The following GPATCH2L variants were observed in gnomAD, a reference collection of about 807,000 sequenced individuals.
GPATCH2L encodes G-patch domain containing 2 like.
GPATCH2L carries 31 observed loss-of-function variants against 57.4 expected under a neutral mutation model. That is an observed-to-expected ratio of 0.54 (90% confidence interval 0.41 to 0.73). The LOEUF is 0.73. GPATCH2L is among the 30% of genes least tolerant of loss of function. The probability of loss-of-function intolerance (pLI) is 0.00; values close to 1 mark genes in which losing one functional copy is unlikely to be tolerated. For synonymous variants in GPATCH2L, 199 were observed against 210.7 expected (o/e 0.94, Z 0.48); for missense variants, 481 against 599.9 (o/e 0.80, Z 2.07).
chr14:76,154,986 A>G lies in GPATCH2L; in HGVS notation c.623A>G (p.Asp208Gly). 6.2e-7 allele frequency: 1 copy of G among 1,613,620 alleles called. No homozygotes were observed. Among genetic ancestry groups the G allele is most frequent in the South Asian group, 1.1e-5 (1 of 91,090 alleles). The change falls in exon 2 of 10, where the codon GAT becomes GGT. Residue 208 changes from aspartate to glycine, a missense_variant. Transcript: ENST00000261530. This position sits in a 1 kb window ranked among gnomAD's most constrained non-coding sequence, Gnocchi z 4.4. ...AAAGAAAGGATGGAGTGTGAAACAG[A>G]TGAACAAAAACAGGGCTCTGATGAG... ...GRKERMECET[D>G]EQKQGSDENM...
chr14:76,226,348 A>T (rs1212600322), intron 1 of GPATCH2L, among the ~76,000 whole-genome samples: 1 of 152,248 alleles, frequency 6.6e-6, no homozygotes, highest in Non-Finnish European at 1.5e-5. Flanking sequence ...GAAGTCAAAG[A>T]TGAGAATACA....
intron 2 of GPATCH2L, among the ~76,000 whole-genome samples, chr14:76,235,494 G>T (rs1426620158): frequency 6.6e-6 from 1 of 152,180 alleles, no homozygotes; most frequent in African/African-American, 2.4e-5. Flanking sequence ...TGCCATGATT[G>T]TGAGGCTTCC....
chr14:76,223,777 C>G (rs1050421730), intron 1 of GPATCH2L, among the ~76,000 whole-genome samples: 1 of 152,098 alleles, frequency 6.6e-6, no homozygotes, highest in Non-Finnish European at 1.5e-5. Context: ...CAAAAAGACT[C>G]GAGTAAGCAT....
intron 8 of GPATCH2L, 23 bp from the exon 9 acceptor site, chr14:76,195,855 T>G (rs192405445): frequency 5.7e-5 from 89 of 1,574,234 alleles, no homozygotes; most frequent in Non-Finnish European, 7.4e-5. Flanking sequence ...TTCAAACCAT[T>G]TTTCTTCTTC....
Position 76,201,688 on chromosome 14 carries a change from T to C in GPATCH2L, c.1289-3T>C. 6.2e-7 allele frequency: 1 copy of C among 1,604,822 alleles called. No homozygotes were observed. The highest frequency in any genetic ancestry group is 8.5e-7 in the Non-Finnish European group (1 of 1,175,886). ...TTGCTCCTCTCTGTTGTAACCTTAC[T>C]AGTTCACATGGATGCAGTGGAGCCA... On this transcript the variant is annotated splice_polypyrimidine_tract_variant and splice_region_variant and intron_variant, in intron 9 of 9. Coordinates refer to ENST00000261530, the MANE Select transcript of GPATCH2L (RefSeq NM_017926.4).
intron 5 of GPATCH2L, 113 bp downstream of exon 5, chr14:76,173,738 C>A: frequency 1.4e-6 from 1 of 721,818 alleles, no homozygotes; most frequent in Non-Finnish European, 2.6e-6. Flanking sequence ...TTAATGGAGC[C>A]AACTGGAATG....
rs114976523 is a variant in GPATCH2L, at chr14:76,229,538, C to G, written c.66-270C>G. Among the ~76,000 whole-genome samples, 558 of 152,298 alleles carry G rather than the reference C, an allele frequency of 3.7e-3. 3 individuals carry two copies. The highest frequency in any genetic ancestry group is 0.013 in the African/African-American group (541 of 41,572). Reference sequence around the variant, plus strand: ...TGTTTTTCTCGCATTAGTCCCTCCACATGTTAATATGGGCCCTGGAAGCAG... The same window carrying G: ...TGTTTTTCTCGCATTAGTCCCTCCAGATGTTAATATGGGCCCTGGAAGCAG... On this transcript the variant is annotated intron_variant and NMD_transcript_variant, in intron 1 of 3. Transcript: ENST00000556372.
intron 2 of GPATCH2L, among the ~76,000 whole-genome samples, chr14:76,157,949 GTGTT>G (rs1456285526): frequency 1.3e-5 from 2 of 152,094 alleles, no homozygotes; most frequent in Non-Finnish European, 2.9e-5. Context: ...CTGTGTATGT[GTGTT>G]TGTGAGTATT....
intron 2 of GPATCH2L, among the ~76,000 whole-genome samples, chr14:76,165,857 A>G (rs1005483127): frequency 4.6e-5 from 7 of 152,204 alleles, no homozygotes; most frequent in Non-Finnish European, 1.0e-4. Context: ...GGTTTCTTGC[A>G]TCTTCTAGAG....
rs2040450044 is a variant in GPATCH2L at position 76,212,293 on chromosome 14, G to A, written c.*10442G>A. ...AAATGTCAGCAAACACTAATTTCATGTTATAAGATTCAGAAAGGTTGAGCA... is the reference window on the plus strand; with the variant it reads ...AAATGTCAGCAAACACTAATTTCATATTATAAGATTCAGAAAGGTTGAGCA... On this transcript the variant is annotated 3_prime_UTR_variant, in exon 10 of 10. Coordinates refer to ENST00000261530, the MANE Select transcript of GPATCH2L (RefSeq NM_017926.4). The A allele has an allele frequency of 6.6e-6, 1 of 151,810 alleles. No individual in the cohort carries two copies. Among genetic ancestry groups the A allele is most frequent in the African/African-American group, 2.4e-5 (1 of 41,348 alleles). The allele number at this position is 151,810 out of a possible 1,614,324, so 9.4% of individuals were successfully genotyped here. A position where few individuals can be genotyped will look rare whatever the true frequency, so the allele number is the denominator to read the frequency against.
At chr14:76,220,679 A>G (rs1358638381) in intron 1 of GPATCH2L, among the ~76,000 whole-genome samples, 1 of 152,182 alleles carries the variant, frequency 6.6e-6, no homozygotes. Flanking sequence ...AGAATTTATC[A>G]TATGCTGGTC....
chr14:76,158,157 G>T (rs1229691304), intron 2 of GPATCH2L, among the ~76,000 whole-genome samples: 2 of 151,764 alleles, frequency 1.3e-5, no homozygotes, highest in African/African-American at 2.4e-5. Flanking sequence ...GAATTGGTTG[G>T]GTGATGGCCA....
chr14:76,224,430 A>G (rs1417874526), intron 1 of GPATCH2L, among the ~76,000 whole-genome samples: 2 of 152,200 alleles, frequency 1.3e-5, no homozygotes, highest in Non-Finnish European at 2.9e-5. Flanking sequence ...TCACTACATT[A>G]GCATCGTAAG....
At chr14:76,176,303 A>T in intron 5 of GPATCH2L, 1 of 213,618 alleles carries the variant, frequency 4.7e-6, no homozygotes, top group Non-Finnish European at 9.2e-6. Flanking sequence ...TTTCTAAAAA[A>T]GGATTTTTAC....
intron 9 of GPATCH2L, among the ~76,000 whole-genome samples, chr14:76,199,188 A>G (rs2040242947): frequency 6.6e-6 from 1 of 152,218 alleles, no homozygotes; most frequent in African/African-American, 2.4e-5. Context: ...TAAAAGGTTT[A>G]AAAGTTTTAA....
chr14:76,227,704 A>G lies in GPATCH2L; in HGVS notation c.66-2104A>G, dbSNP rs1259463945. 3.6e-5 allele frequency among the ~76,000 whole-genome samples: 5 copies of G among 139,188 alleles called. No homozygotes were observed. In the East Asian group the frequency reaches 8.6e-4, roughly 24 times the overall value. 91.3% of individuals were successfully genotyped at this position (139,188 alleles called of 152,430 possible). On this transcript the variant is annotated intron_variant and NMD_transcript_variant, in intron 1 of 3. Transcript: ENST00000556372. ...TATAATCCTATACATTTATGAATGCATTGGATAAAGTACTACTTACAAGAA... is the reference window on the plus strand; with the variant it reads ...TATAATCCTATACATTTATGAATGCGTTGGATAAAGTACTACTTACAAGAA...
chr14:76,154,572 A>G lies in GPATCH2L; in HGVS notation c.209A>G (p.Asp70Gly), dbSNP rs1364389731. 6.2e-7 allele frequency: 1 copy of G among 1,614,212 alleles called. No homozygotes were observed. The highest frequency in any genetic ancestry group is 8.5e-7 in the Non-Finnish European group (1 of 1,180,014). Residue 70 changes from aspartate to glycine, a missense_variant, in exon 2 of 10, where the codon GAT becomes GGT. Physicochemically the swap from Asp to Gly is moderately conservative, Grantham distance 94. This residue lies in a region of GPATCH2L where 208 missense variants were observed against 272.4 expected (regional missense o/e 0.76). Coordinates refer to ENST00000261530, the MANE Select transcript of GPATCH2L (RefSeq NM_017926.4). The surrounding 1 kb of genome is among the most constrained non-coding windows in gnomAD (Gnocchi z 4.4). Reference sequence around the variant, plus strand: ...AGCGAGGCCTCTGAGTCAAGTCTGGATGAGGCCACTAAGGACTGTCGAGAA... The same window carrying G: ...AGCGAGGCCTCTGAGTCAAGTCTGGGTGAGGCCACTAAGGACTGTCGAGAA... ...CYSEASESSL[D>G]EATKDCREVA...
rs781462839 is a variant in GPATCH2L at position 76,155,033 on chromosome 14, C to G, written c.662+8C>G. 2.5e-6 allele frequency: 4 copies of G among 1,600,236 alleles called. No individual in the cohort carries two copies. Among genetic ancestry groups the G allele is most frequent in the Non-Finnish European group, 2.6e-6 (3 of 1,174,170 alleles). On this transcript the variant is annotated splice_region_variant and intron_variant, in intron 2 of 9. Coordinates refer to ENST00000261530, the MANE Select transcript of GPATCH2L (RefSeq NM_017926.4). Reference sequence around the variant, plus strand: ...TGAGAACATGTCAGAATGGTGAGATCTCCCTTACTAAGTCAAAGATTTTCC... The same window carrying G: ...TGAGAACATGTCAGAATGGTGAGATGTCCCTTACTAAGTCAAAGATTTTCC...
intron 8 of GPATCH2L, among the ~76,000 whole-genome samples, chr14:76,183,010 T>C (rs1028303830): frequency 6.6e-6 from 1 of 152,256 alleles, no homozygotes; most frequent in African/African-American, 2.4e-5. Context: ...CATGATATCA[T>C]GTCAGAATGC....
Sources: allele counts gnomAD v4.1 joint callset (sites outside exome capture counted in the v4.1 genomes callset), GRCh38; gene constraint gnomAD v4.1.1; regional missense constraint gnomAD v4.1.1; non-coding constraint Gnocchi (gnomAD v3.1); transcripts MANE v1.5; gene names NCBI Gene and HGNC (gene_info 2026-07-23, HGNC 2026-07-21).